Variants in PITPNC1 observed in about 807,000 individuals in gnomAD.
PITPNC1 encodes the protein phosphatidylinositol transfer protein cytoplasmic 1.
Under a neutral mutation model 44.7 loss-of-function variants are expected in PITPNC1, and 18 were observed. That is an observed-to-expected ratio of 0.40 (90% CI 0.28 to 0.60). The LOEUF is 0.60. Ranked by LOEUF, PITPNC1 falls within the 20% of genes least tolerant of loss-of-function variation. The pLI, the probability that PITPNC1 is intolerant of heterozygous loss-of-function variation, is 0.39. For synonymous variants in PITPNC1, 141 were observed against 149.6 expected (o/e 0.94, Z 0.42); for missense variants, 290 against 418.4 (o/e 0.69, Z 2.68).
In PITPNC1 at chr17:67,383,709, G is replaced by A. The variant is rs149951563; in HGVS notation, c.48+5507G>A. Among the ~76,000 whole-genome samples the A allele has an allele frequency of 9.3e-3, 1,415 of 152,288 alleles. 21 individuals are homozygous for A. Among genetic ancestry groups the A allele is most frequent in the African/African-American group, 0.031 (1,302 of 41,558 alleles). On this transcript the variant is annotated intron_variant, in intron 1 of 8. Coordinates refer to ENST00000581322, the MANE Select transcript of PITPNC1 (RefSeq NM_012417.4). ...TAAGCACATCCTAATATTATCTAAG[G>A]CAGGAATCCTTTTGTTTTCATTGCT...
intron 1 of PITPNC1, among the ~76,000 whole-genome samples, chr17:67,483,955 G>C (rs983302521): frequency 8.7e-6 from 1 of 115,128 alleles, no homozygotes; most frequent in Non-Finnish European, 1.7e-5. Flanking sequence ...TTTTGCTCTT[G>C]TTGCCCAGGC....
At chr17:67,450,784 A>C (rs574254757) in intron 1 of PITPNC1, among the ~76,000 whole-genome samples, 32 of 152,302 alleles carry the variant, frequency 2.1e-4, no homozygotes, top group African/African-American at 7.7e-4. Context: ...ATGCTGGGCA[A>C]CCATCATCAC....
At chr17:67,566,783 G>A (rs1157394616) in intron 4 of PITPNC1, among the ~76,000 whole-genome samples, 1 of 152,156 alleles carries the variant, frequency 6.6e-6, no homozygotes, top group East Asian at 1.9e-4. Context: ...CACATACTGA[G>A]AAGCAAAGCC....
intron 1 of PITPNC1, among the ~76,000 whole-genome samples, chr17:67,482,438 A>G (rs191491537): frequency 6.6e-6 from 1 of 152,264 alleles, no homozygotes; most frequent in African/African-American, 2.4e-5. Flanking sequence ...TCACAATAAG[A>G]TCAAATTTTG....
chr17:67,660,556 T>TTATTTA (rs1185570497), intron 6 of PITPNC1, among the ~76,000 whole-genome samples: 1 of 151,680 alleles, frequency 6.6e-6, no homozygotes, highest in African/African-American at 2.4e-5. Context: ...ATTTATTTAT[T>TTATTTA]TTTGAGATGG....
rs576276139 is a variant in PITPNC1 at position 67,448,526 on chromosome 17, G to T, written c.48+70324G>T. Among the ~76,000 whole-genome samples the T allele has an allele frequency of 1.1e-4, 16 of 152,194 alleles. No individual in the cohort carries two copies. In the East Asian group the frequency reaches 2.9e-3, roughly 28 times the overall value. Reference sequence around the variant, plus strand: ...CTCGTTCATGAACCTGCCGTTGGGGGTGCTTCATGCTTTATCTTGGTCTCT... The same window carrying T: ...CTCGTTCATGAACCTGCCGTTGGGGTTGCTTCATGCTTTATCTTGGTCTCT... On this transcript the variant is annotated intron_variant, in intron 1 of 8. Coordinates refer to ENST00000581322, the MANE Select transcript of PITPNC1 (RefSeq NM_012417.4).
intron 4 of PITPNC1, among the ~76,000 whole-genome samples, chr17:67,571,260 A>C (rs2098035568): frequency 6.6e-6 from 1 of 152,086 alleles, no homozygotes; most frequent in African/African-American, 2.4e-5. Flanking sequence ...GTGAGAGCTC[A>C]TCTCTACTAA....
At chr17:67,406,847 A>G (rs1165904792) in intron 1 of PITPNC1, among the ~76,000 whole-genome samples, 1 of 152,026 alleles carries the variant, frequency 6.6e-6, no homozygotes, top group Non-Finnish European at 1.5e-5. Context: ...TCATCCTCCT[A>G]AAGTGCTGGG....
intron 1 of PITPNC1, among the ~76,000 whole-genome samples, chr17:67,488,151 G>A (rs1413567140): frequency 6.6e-6 from 1 of 152,168 alleles, no homozygotes. Flanking sequence ...AATACATTGA[G>A]TCAACCCATC....
chr17:67,432,838 C>T (rs1295151269), intron 1 of PITPNC1, among the ~76,000 whole-genome samples: 1 of 152,144 alleles, frequency 6.6e-6, no homozygotes, highest in Non-Finnish European at 1.5e-5. Flanking sequence ...TGTAAGCATT[C>T]AGCTTACCAC....
intron 4 of PITPNC1, 31 bp from the exon 5 acceptor site, chr17:67,578,155 A>G (rs2041175538): frequency 2.1e-6 from 3 of 1,434,108 alleles, no homozygotes; most frequent in Non-Finnish European, 2.0e-6. Context: ...AAAAAATGTT[A>G]TGCTAATGAA....
At chr17:67,608,540 G>A (rs999856084) in intron 5 of PITPNC1, among the ~76,000 whole-genome samples, 4 of 149,932 alleles carry the variant, frequency 2.7e-5, no homozygotes, top group Admixed American at 6.6e-5. Flanking sequence ...GCCCAGTCTG[G>A]AGTGCAATGG....
At chr17:67,401,055 C>A (rs975986651) in intron 1 of PITPNC1, among the ~76,000 whole-genome samples, 13 of 152,200 alleles carry the variant, frequency 8.5e-5, no homozygotes, top group African/African-American at 2.9e-4. Flanking sequence ...CTGCCTCAGC[C>A]TCCCGAGTAG....
At chr17:67,587,082 C>A (rs1045430449) in intron 5 of PITPNC1, among the ~76,000 whole-genome samples, 8 of 152,142 alleles carry the variant, frequency 5.3e-5, no homozygotes, top group Admixed American at 2.6e-4. Context: ...CCATTGCCAT[C>A]ATGGGAAACA....
intron 6 of PITPNC1, among the ~76,000 whole-genome samples, chr17:67,667,732 C>CA: frequency 6.6e-6 from 1 of 150,522 alleles, no homozygotes; most frequent in East Asian, 2.0e-4. Flanking sequence ...GGAGGCCTAG[C>CA]ACTTTGGGAG....
At chr17:67,443,862 T>C (rs1050523379) in intron 1 of PITPNC1, among the ~76,000 whole-genome samples, 1 of 152,014 alleles carries the variant, frequency 6.6e-6, no homozygotes, top group Non-Finnish European at 1.5e-5. Context: ...CTCGAACTCC[T>C]GACCTCAGGT....
chr17:67,452,504 G>A (rs2039196109), intron 1 of PITPNC1, among the ~76,000 whole-genome samples: 1 of 148,292 alleles, frequency 6.7e-6, no homozygotes, highest in African/African-American at 2.5e-5. Flanking sequence ...TTTAAGGAGT[G>A]GAATTGCTGG....
chr17:67,650,887 C>A (rs1169792945), intron 6 of PITPNC1, among the ~76,000 whole-genome samples: 1 of 152,174 alleles, frequency 6.6e-6, no homozygotes, highest in Non-Finnish European at 1.5e-5. Context: ...CAGAAACATT[C>A]CCCTTGCCAC....
chr17:67,608,413 T>C (rs899555688), intron 5 of PITPNC1, among the ~76,000 whole-genome samples: 2 of 152,034 alleles, frequency 1.3e-5, no homozygotes, highest in Non-Finnish European at 2.9e-5. Context: ...TCATGATTCA[T>C]GTTCCAGTAG....
Sources: allele counts gnomAD v4.1 joint callset (sites outside exome capture counted in the v4.1 genomes callset), GRCh38; gene constraint gnomAD v4.1.1; transcripts MANE v1.5; gene names NCBI Gene and HGNC (gene_info 2026-07-23, HGNC 2026-07-21).